MITF: variants seen among roughly 807,000 people sequenced by gnomAD.
The protein encoded by MITF is microphthalmia-associated transcription factor.
In MITF, 17 loss-of-function variants were observed where a neutral mutation model predicts 60.5. The ratio of observed to expected loss-of-function variants is 0.28; its 90% CI spans 0.19 to 0.42. The LOEUF is 0.42. Among genes scored for constraint, MITF ranks in the 10% least tolerant of loss-of-function variants. MITF has a pLI of 1.00. For missense variants in MITF, 622 were observed against 683.5 expected (o/e 0.91, Z 1.00); for synonymous variants, 260 against 248.5 (o/e 1.05, Z -0.43).
intron 2 of MITF, among the ~76,000 whole-genome samples, chr3:69,916,871 A>G (rs1274788493): frequency 1.3e-5 from 2 of 152,226 alleles, no homozygotes; most frequent in Non-Finnish European, 2.9e-5. Flanking sequence ...ATATTATCAT[A>G]AAATAAACAC....
chr3:69,871,439 T>A (rs572653418), intron 1 of MITF, among the ~76,000 whole-genome samples: 18 of 152,292 alleles, frequency 1.2e-4, no homozygotes, highest in African/African-American at 3.4e-4. Flanking sequence ...GGAGGCTGGT[T>A]ATTCAAGGTT....
At chr3:69,739,839 G>GC (rs1703459974) in intron 1 of MITF, 138 bp downstream of exon 1, 1 of 666,088 alleles carries the variant, frequency 1.5e-6, no homozygotes, top group Non-Finnish European at 2.7e-6. Flanking sequence ...AGGGCGAACT[G>GC]CCCCTCGCAG....
chr3:69,859,378 A>T (rs2063972826), intron 1 of MITF, among the ~76,000 whole-genome samples: 1 of 152,230 alleles, frequency 6.6e-6, no homozygotes, highest in Non-Finnish European at 1.5e-5. Flanking sequence ...GAATACAAAC[A>T]TTTAATTTAT....
chr3:69,802,303 A>G (rs926408892), intron 1 of MITF, among the ~76,000 whole-genome samples: 2 of 152,202 alleles, frequency 1.3e-5, no homozygotes, highest in East Asian at 1.9e-4. Flanking sequence ...CCAAATGTCA[A>G]TCGTGCCAAG....
intron 7 of MITF, among the ~76,000 whole-genome samples, chr3:69,952,341 A>G (rs1169837735): frequency 6.6e-6 from 1 of 152,124 alleles, no homozygotes; most frequent in Non-Finnish European, 1.5e-5. Context: ...AATTTCTGAC[A>G]TGATTCGTGA....
Position 69,798,405 on chromosome 3 carries a change from A to T in MITF, c.104+58704A>T, listed in dbSNP as rs371511308. On this transcript the variant is annotated intron_variant, in intron 1 of 9. Transcript: ENST00000352241. ...TTTGGTCACATGCAAAATGGGGTTCATACTATTTATCATTCAGAGTTGTTG... is the reference window on the plus strand; with the variant it reads ...TTTGGTCACATGCAAAATGGGGTTCTTACTATTTATCATTCAGAGTTGTTG... 9.5e-4 allele frequency among the ~76,000 whole-genome samples: 144 copies of T among 152,358 alleles called. 3 individuals carry two copies. In the South Asian group the frequency reaches 0.028, roughly 29 times the overall value.
At chr3:69,859,612 A>C (rs1392396967) in intron 1 of MITF, among the ~76,000 whole-genome samples, 3 of 152,056 alleles carry the variant, frequency 2.0e-5, no homozygotes, top group Admixed American at 6.6e-5. Flanking sequence ...GCTGAATTGC[A>C]TGTTGCTTTA....
chr3:69,816,119 C>T (rs1575758181), intron 1 of MITF, among the ~76,000 whole-genome samples: 1 of 152,246 alleles, frequency 6.6e-6, no homozygotes, highest in African/African-American at 2.4e-5. Context: ...GGTAGTCATT[C>T]TTTCTCTAGT....
chr3:69,820,466 AT>A (rs34103766), intron 1 of MITF, among the ~76,000 whole-genome samples: 78,404 of 150,564 alleles, frequency 0.52, 22,083 homozygotes, highest in Non-Finnish European at 0.65. Flanking sequence ...CAAGAGTAGG[AT>A]TTTTTTTTTT....
At chr3:69,827,542 A>G (rs2063375360) in intron 1 of MITF, among the ~76,000 whole-genome samples, 1 of 152,152 alleles carries the variant, frequency 6.6e-6, no homozygotes, top group African/African-American at 2.4e-5. Flanking sequence ...TTGTACTCAC[A>G]TTTGTTTGCC....
intron 2 of MITF, among the ~76,000 whole-genome samples, chr3:69,935,583 G>T (rs2065814885): frequency 6.6e-6 from 1 of 152,122 alleles, no homozygotes; most frequent in Admixed American, 6.5e-5. Context: ...AACAATATGA[G>T]ATTGTCAACC....
At chr3:69,839,735 G>A (rs548761513) in intron 1 of MITF, among the ~76,000 whole-genome samples, 104 of 150,892 alleles carry the variant, frequency 6.9e-4, no homozygotes, top group African/African-American at 2.3e-3. Flanking sequence ...CAGTACCCAC[G>A]AAAGAAACCG....
intron 1 of MITF, among the ~76,000 whole-genome samples, chr3:69,847,439 T>C (rs1233628497): frequency 1.3e-5 from 2 of 152,210 alleles, no homozygotes; most frequent in Non-Finnish European, 2.9e-5. Context: ...TGGTAATGTC[T>C]TATTTGCATA....
At chr3:69,913,533 T>C (rs1196745064) in intron 2 of MITF, among the ~76,000 whole-genome samples, 2 of 152,144 alleles carry the variant, frequency 1.3e-5, no homozygotes, top group Non-Finnish European at 2.9e-5. Context: ...GCAGTGACAA[T>C]GGTGCACAGT....
At chr3:69,783,740 T>G (rs1423532521) in intron 1 of MITF, among the ~76,000 whole-genome samples, 3 of 152,172 alleles carry the variant, frequency 2.0e-5, no homozygotes, top group African/African-American at 7.2e-5. Flanking sequence ...AAAGTGGTGT[T>G]TCACAAAGTG....
At chr3:69,747,430 A>G (rs200345743) in intron 1 of MITF, among the ~76,000 whole-genome samples, 1 of 152,210 alleles carries the variant, frequency 6.6e-6, no homozygotes, top group East Asian at 1.9e-4. Context: ...TGGCTCTGTG[A>G]CTTTGGTCAA....
chr3:69,862,157 A>G (rs562758284), intron 1 of MITF, among the ~76,000 whole-genome samples: 35 of 152,094 alleles, frequency 2.3e-4, no homozygotes, highest in African/African-American at 8.2e-4. Flanking sequence ...ATTCTAAACC[A>G]TACCCCTGCA....
At chr3:69,836,015 A>G (rs574851947) in intron 1 of MITF, among the ~76,000 whole-genome samples, 1 of 152,014 alleles carries the variant, frequency 6.6e-6, no homozygotes, top group Non-Finnish European at 1.5e-5. Flanking sequence ...GAAGAATGTC[A>G]TTGGTATTTT....
intron 1 of MITF, chr3:69,866,416 G>C (rs2064116800): frequency 1.3e-6 from 2 of 1,587,712 alleles, no homozygotes; most frequent in South Asian, 1.1e-5. Context: ...TCTCTTTAAG[G>C]GGGAGGATAA....
Sources: allele counts gnomAD v4.1 joint callset (sites outside exome capture counted in the v4.1 genomes callset), GRCh38; gene constraint gnomAD v4.1.1; transcripts MANE v1.5; gene names NCBI Gene and HGNC (gene_info 2026-07-23, HGNC 2026-07-21).